ACVR1C: variants seen among roughly 807,000 people sequenced by gnomAD.
ACVR1C encodes activin receptor type-1C.
ACVR1C carries 23 observed loss-of-function variants against 57.9 expected under a neutral mutation model. The ratio of observed to expected loss-of-function variants is 0.40; its 90% CI spans 0.29 to 0.56. The LOEUF is 0.56. ACVR1C is among the 20% of genes least tolerant of loss of function. ACVR1C has a pLI of 0.50. For missense variants in ACVR1C, 480 were observed against 607.9 expected (o/e 0.79, Z 2.21); for synonymous variants, 214 against 215.3 (o/e 0.99, Z 0.05).
intron 2 of ACVR1C, among the ~76,000 whole-genome samples, chr2:157,575,131 CTT>C (rs578208823): frequency 7.6e-4 from 105 of 137,392 alleles, no homozygotes; most frequent in Non-Finnish European, 7.2e-4. Context: ...CCGGCAAGTT[CTT>C]TTTTTTTTTT....
intron 2 of ACVR1C, among the ~76,000 whole-genome samples, chr2:157,576,830 A>ATTTTTTTT (rs1688665585): frequency 1.5e-5 from 1 of 68,304 alleles, no homozygotes; most frequent in African/African-American, 7.2e-5. Flanking sequence ...GGGCTTTGAA[A>ATTTTTTTT]TTTTCTTTTT....
intron 1 of ACVR1C, among the ~76,000 whole-genome samples, chr2:157,593,272 A>G (rs1319883935): frequency 6.6e-6 from 1 of 152,180 alleles, no homozygotes; most frequent in Non-Finnish European, 1.5e-5. Flanking sequence ...TTTATGTGCT[A>G]TTCTTATTAG....
At chr2:157,596,176 C>A (rs1682103079) in intron 1 of ACVR1C, among the ~76,000 whole-genome samples, 1 of 152,142 alleles carries the variant, frequency 6.6e-6, no homozygotes, top group Non-Finnish European at 1.5e-5. Context: ...TTTAAAGTTT[C>A]TTCTCAATTT....
chr2:157,624,608 G>C (rs1246404915), intron 1 of ACVR1C, among the ~76,000 whole-genome samples: 2 of 152,138 alleles, frequency 1.3e-5, no homozygotes, highest in African/African-American at 4.8e-5. Flanking sequence ...TGTAGGATTG[G>C]AGAAAACTAG....
chr2:157,547,101 A>C (rs1687778652), intron 4 of ACVR1C, among the ~76,000 whole-genome samples: 3 of 138,568 alleles, frequency 2.2e-5, no homozygotes, highest in African/African-American at 8.0e-5. Context: ...GTTTACTGAG[A>C]ATGATGATTT....
In ACVR1C at chr2:157,541,156, T is replaced by C; in HGVS notation, c.1159A>G (p.Lys387Glu). The C allele has an allele frequency of 6.2e-7, 1 of 1,614,068 alleles. No individual in the cohort carries two copies. Among genetic ancestry groups the C allele is most frequent in the Non-Finnish European group, 8.5e-7 (1 of 1,179,964 alleles). Residue 387 changes from lysine (K) to glutamate (E), a missense_variant, in exon 7 of 9, where the codon AAA becomes GAA. By Grantham distance (56) the Lys-to-Glu change is moderately conservative. Coordinates refer to ENST00000243349, the MANE Select transcript of ACVR1C (RefSeq NM_145259.3). The stretch of plus-strand genomic sequence containing the variant: ...CCAACAGAATAGATGTCAGCTCGTT[T>C]GAAGGACTCAAAGATATTCACATTC... Reference protein sequence around the residue: ...TMNVNIFESFKRADIYSVGLV... With the variant: ...TMNVNIFESFERADIYSVGLV...
chr2:157,539,835 A>G (rs1181519721), intron 7 of ACVR1C, among the ~76,000 whole-genome samples: 1 of 152,218 alleles, frequency 6.6e-6, no homozygotes, highest in Non-Finnish European at 1.5e-5. Context: ...TTGCTTCTAT[A>G]AACAGTTGTA....
chr2:157,588,626 A>T (rs1688983672), intron 1 of ACVR1C, among the ~76,000 whole-genome samples: 1 of 113,164 alleles, frequency 8.8e-6, no homozygotes. Context: ...AATATCCTTT[A>T]CGTCTCTCTG....
Position 157,541,178 on chromosome 2 carries a change from A to C in ACVR1C, c.1137T>G (p.Asn379Lys). Residue 379 changes from asparagine to lysine, a missense_variant, in exon 7 of 9, where the codon AAT becomes AAG. Coordinates refer to ENST00000243349, the MANE Select transcript of ACVR1C (RefSeq NM_145259.3). ...GTTTGAAGGACTCAAAGATATTCAC[A>C]TTCATTGTATCATCAAGCATTTCAG... Reference protein sequence around the residue: ...MAPEMLDDTMNVNIFESFKRA... With the variant: ...MAPEMLDDTMKVNIFESFKRA... 3 of 1,613,932 alleles carry C rather than the reference A, an allele frequency of 1.9e-6. No individual in the cohort carries two copies. Among genetic ancestry groups the C allele is most frequent in the Non-Finnish European group, 2.5e-6 (3 of 1,179,890 alleles).
intron 6 of ACVR1C, among the ~76,000 whole-genome samples, chr2:157,542,242 A>C (rs1317584270): frequency 6.6e-6 from 1 of 152,190 alleles, no homozygotes; most frequent in African/African-American, 2.4e-5. Flanking sequence ...GTAGCACATA[A>C]GTGTATTCAG....
chr2:157,534,134 G>A, intron 8 of ACVR1C, 91 bp from the exon 9 acceptor site: 1 of 1,170,170 alleles, frequency 8.5e-7, no homozygotes. Flanking sequence ...AGGAATTGAT[G>A]CTAAGCTTTT....
intron 3 of ACVR1C, among the ~76,000 whole-genome samples, chr2:157,554,268 A>AAAGAAAGAAAGGAAGGAAGG (rs1261113225): frequency 1.8e-4 from 21 of 113,604 alleles, no homozygotes; most frequent in Middle Eastern, 4.6e-3. Flanking sequence ...AGAAAGAAAG[A>AAAGAAAGAAAGGAAGGAAGG]AAGGAAGGAA....
Position 157,628,662 on chromosome 2 carries a change from G to C in ACVR1C, c.-18C>G, listed in dbSNP as rs772830938. 5 of 1,551,106 alleles carry C rather than the reference G, an allele frequency of 3.2e-6. No homozygotes were observed. The highest frequency in any genetic ancestry group is 1.4e-5 in the African/African-American group (1 of 72,756). ...CGGGTCATCGCCACCAGGCGGCCGC[G>C]CCGGGGCTGCGAGGCCCCAGAGCAG... is the stretch of plus-strand genomic sequence containing the variant. On this transcript the variant is annotated 5_prime_UTR_variant, in exon 1 of 9. Coordinates refer to ENST00000243349, the MANE Select transcript of ACVR1C (RefSeq NM_145259.3).
At chr2:157,587,536 C>T (rs1573938987) in intron 1 of ACVR1C, 119 bp from the exon 2 acceptor site, 1 of 737,356 alleles carries the variant, frequency 1.4e-6, no homozygotes, top group East Asian at 2.6e-5. Flanking sequence ...TAAATAAAAA[C>T]ACTTGCTAAA....
At chr2:157,591,333 C>T (rs1689052064) in intron 1 of ACVR1C, among the ~76,000 whole-genome samples, 2 of 151,916 alleles carry the variant, frequency 1.3e-5, no homozygotes, top group African/African-American at 2.4e-5. Context: ...CACTCTGTCA[C>T]TAACTTGCTG....
chr2:157,535,622 G>C (rs1391266912), intron 8 of ACVR1C, among the ~76,000 whole-genome samples: 1 of 152,064 alleles, frequency 6.6e-6, no homozygotes, highest in African/African-American at 2.4e-5. Flanking sequence ...GAAGTCACAA[G>C]TTTGAGACCA....
chr2:157,535,447 A>G (rs1253969464), intron 8 of ACVR1C, among the ~76,000 whole-genome samples: 2 of 152,214 alleles, frequency 1.3e-5, no homozygotes, highest in Non-Finnish European at 2.9e-5. Flanking sequence ...ATATATTTTT[A>G]AAAGGAAAGA....
chr2:157,565,289 A>G lies in ACVR1C; in HGVS notation c.305-8957T>C, dbSNP rs75373816. On this transcript the variant is annotated intron_variant, in intron 2 of 8. Coordinates refer to ENST00000243349, the MANE Select transcript of ACVR1C (RefSeq NM_145259.3). ...CTAAGGAGCTAAGTCACAAACATCA[A>G]CTTTTTTTGTCTAGTCCTCCCGTGT... 7.2e-3 allele frequency among the ~76,000 whole-genome samples: 1,100 copies of G among 152,176 alleles called. 3 individuals carry two copies. Among genetic ancestry groups the G allele is most frequent in the African/African-American group, 0.021 (855 of 41,524 alleles).
At chr2:157,615,557 G>A (rs966199191) in intron 1 of ACVR1C, among the ~76,000 whole-genome samples, 1 of 151,832 alleles carries the variant, frequency 6.6e-6, no homozygotes, top group Non-Finnish European at 1.5e-5. Context: ...TTCATTTTTT[G>A]TAAAGACATG....
Sources: gnomAD v4.1 joint callset for allele counts (sites outside exome capture counted in the v4.1 genomes callset) on GRCh38, gnomAD v4.1.1 for gene constraint, MANE v1.5 for transcripts, NCBI Gene and HGNC (gene_info 2026-07-23, HGNC 2026-07-21) for gene names.